Variants in SOX6 observed in about 807,000 individuals in gnomAD.
SOX6 encodes transcription factor SOX-6.
Under a neutral mutation model 97.8 loss-of-function variants are expected in SOX6, and 11 were observed. The ratio of observed to expected loss-of-function variants is 0.11; its 90% confidence interval spans 0.07 to 0.19. The LOEUF is 0.19. SOX6 is among the 10% of genes least tolerant of loss of function. The pLI is 1.00. For missense variants in SOX6, 810 were observed against 1,039.5 expected (o/e 0.78, Z 3.04); for synonymous variants, 360 against 371.4 (o/e 0.97, Z 0.35).
intron 3 of SOX6, among the ~76,000 whole-genome samples, chr11:16,709,740 T>C (rs1032504605): frequency 1.3e-5 from 2 of 152,192 alleles, no homozygotes; most frequent in Admixed American, 6.5e-5. Flanking sequence ...AAAGCAAAAA[T>C]AGCCTAACAC....
rs568101364 is a variant in SOX6 at position 15,970,207 on chromosome 11, C to T, written c.*2602G>A. The T allele has an allele frequency of 2.0e-5, 3 of 152,420 alleles. No individual in the cohort carries two copies. The highest frequency in any genetic ancestry group is 7.2e-5 in the African/African-American group (3 of 41,424). The allele number at this position is 152,420 out of a possible 1,614,324, so 9.4% of individuals were successfully genotyped here. On this transcript the variant is annotated 3_prime_UTR_variant, in exon 16 of 16. Coordinates refer to ENST00000683767, the MANE Select transcript of SOX6 (RefSeq NM_001367873.1). ...TTATATCCAGTGCTTATAACACTTA[C>T]GAAACAACATCTGTGAGTGTGTGTG...
intron 4 of SOX6, among the ~76,000 whole-genome samples, chr11:16,587,909 C>T (rs1300485269): frequency 6.6e-6 from 1 of 152,184 alleles, no homozygotes; most frequent in African/African-American, 2.4e-5. Context: ...CAATGCCCTG[C>T]CTATTTCATC....
At chr11:16,313,045 C>T (rs1473172873) in intron 3 of SOX6, 6 of 152,150 alleles carry the variant, frequency 3.9e-5, no homozygotes, top group Non-Finnish European at 8.8e-5. Flanking sequence ...AAGACAGAAA[C>T]TTTGCCTATC....
chr11:16,140,793 G>T (rs549781469), intron 6 of SOX6, among the ~76,000 whole-genome samples: 6 of 152,286 alleles, frequency 3.9e-5, no homozygotes, highest in Non-Finnish European at 8.8e-5. Flanking sequence ...GTTATGTTCT[G>T]CCATGAATAG....
intron 4 of SOX6, among the ~76,000 whole-genome samples, chr11:16,499,749 C>A (rs1051113035): frequency 6.6e-6 from 1 of 151,996 alleles, no homozygotes; most frequent in African/African-American, 2.4e-5. Flanking sequence ...ACCCTCCCAA[C>A]ACTAAACCAG....
At chr11:16,493,149 A>T (rs1057438494) in intron 4 of SOX6, among the ~76,000 whole-genome samples, 2 of 152,232 alleles carry the variant, frequency 1.3e-5, no homozygotes, top group Admixed American at 1.3e-4. Flanking sequence ...CACACCAAGT[A>T]TACAAGAATG....
At chr11:16,436,272 A>G (rs1375674346) in intron 1 of SOX6, among the ~76,000 whole-genome samples, 1 of 151,996 alleles carries the variant, frequency 6.6e-6, no homozygotes, top group Non-Finnish European at 1.5e-5. Context: ...TCCTCTTTTG[A>G]CTTCCATGAC....
At chr11:16,044,901 G>A (rs1564923209) in intron 12 of SOX6, among the ~76,000 whole-genome samples, 1 of 151,998 alleles carries the variant, frequency 6.6e-6, no homozygotes, top group African/African-American at 2.4e-5. Flanking sequence ...CTGGGACTCA[G>A]TTATATTCAG....
intron 3 of SOX6, among the ~76,000 whole-genome samples, chr11:16,310,709 T>A (rs1475200844): frequency 6.6e-6 from 1 of 152,146 alleles, no homozygotes; most frequent in African/African-American, 2.4e-5. Flanking sequence ...TTGCGTGTTT[T>A]AATGAATACT....
chr11:16,484,455 G>C lies in SOX6; in HGVS notation n.610-8067C>G, dbSNP rs564200704. ...CACCACAGCTTACTGACAATGAAGA[G>C]CTCCTCGCACTTCACCACCTGCTCC... On this transcript the variant is annotated intron_variant and non_coding_transcript_variant, in intron 4 of 5. Coordinates refer to the SOX6 transcript ENST00000524520. 1.5e-4 allele frequency: 121 copies of C among 803,726 alleles called. 2 individuals carry two copies. In the South Asian group the frequency reaches 1.6e-3, roughly 10 times the overall value. The allele number at this position is 803,726 out of a possible 1,614,324, so 49.8% of individuals were successfully genotyped here.
Position 16,516,929 on chromosome 11 carries a change from A to G in SOX6, n.610-40541T>C, listed in dbSNP as rs1362834892. On this transcript the variant is annotated intron_variant and non_coding_transcript_variant, in intron 4 of 5. Coordinates refer to the SOX6 transcript ENST00000524520. ...ATGAACATTGATGCAAAAATCCTCA[A>G]TAAAATACTGGCAAACCGAATCCAG... 6.1e-5 allele frequency among the ~76,000 whole-genome samples: 9 copies of G among 147,408 alleles called. No homozygotes were observed. In the East Asian group the frequency reaches 1.8e-3, roughly 30 times the overall value.
At chr11:16,143,109 G>A (rs1850190137) in intron 6 of SOX6, among the ~76,000 whole-genome samples, 1 of 152,056 alleles carries the variant, frequency 6.6e-6, no homozygotes, top group Non-Finnish European at 1.5e-5. Flanking sequence ...GAGAAAGGTC[G>A]GGTTACCCAC....
intron 4 of SOX6, among the ~76,000 whole-genome samples, chr11:16,506,448 C>G (rs1281325436): frequency 6.6e-6 from 1 of 152,168 alleles, no homozygotes; most frequent in East Asian, 1.9e-4. Context: ...TCTTATTTTA[C>G]AGGCTCATAG....
intron 13 of SOX6, among the ~76,000 whole-genome samples, chr11:16,002,979 TA>T (rs1854447789): frequency 6.6e-6 from 1 of 152,200 alleles, no homozygotes; most frequent in African/African-American, 2.4e-5. Flanking sequence ...TTCTGGCTGA[TA>T]TTCTTACACC....
chr11:16,537,221 C>T (rs1433537695), intron 4 of SOX6, among the ~76,000 whole-genome samples: 2 of 152,170 alleles, frequency 1.3e-5, no homozygotes, highest in Non-Finnish European at 2.9e-5. Context: ...TCCAACAGAC[C>T]TATAGCAAAG....
intron 3 of SOX6, among the ~76,000 whole-genome samples, chr11:16,671,658 C>T (rs1444398051): frequency 6.6e-6 from 1 of 152,046 alleles, no homozygotes; most frequent in Non-Finnish European, 1.5e-5. Context: ...CGTAAAGAGG[C>T]CAAATCTACT....
At chr11:16,020,730 G>A (rs368618519) in intron 12 of SOX6, among the ~76,000 whole-genome samples, 5 of 152,122 alleles carry the variant, frequency 3.3e-5, no homozygotes, top group East Asian at 1.9e-4. Flanking sequence ...TTTTGCCTAC[G>A]TAATTAGCCC....
chr11:16,519,038 T>C (rs577325471), intron 4 of SOX6, among the ~76,000 whole-genome samples: 1 of 152,238 alleles, frequency 6.6e-6, no homozygotes, highest in East Asian at 1.9e-4. Flanking sequence ...ACTCCTCTTA[T>C]ACCTTTCTTC....
In SOX6 at chr11:16,707,098, T is replaced by C. The variant is rs139583513; in HGVS notation, n.429+7732A>G. Among the ~76,000 whole-genome samples the C allele has an allele frequency of 8.5e-5, 13 of 152,296 alleles. No homozygotes were observed. In the East Asian group the frequency reaches 1.9e-3, roughly 23 times the overall value. On this transcript the variant is annotated intron_variant and non_coding_transcript_variant, in intron 3 of 5. Transcript: ENST00000524520. ...CTAGTTATAACCCAGTTCTTTACTC[T>C]TTCCCAGTAGTACTCCAAAATAAAT...
Sources: allele counts gnomAD v4.1 joint callset (sites outside exome capture counted in the v4.1 genomes callset), GRCh38; gene constraint gnomAD v4.1.1; transcripts MANE v1.5; gene names NCBI Gene and HGNC (gene_info 2026-07-23, HGNC 2026-07-21).